The following HAGHL variants were observed in gnomAD, a reference collection of about 807,000 sequenced individuals.
HAGHL encodes the protein hydroxyacylglutathione hydrolase like.
Under a neutral mutation model 29.2 loss-of-function variants are expected in HAGHL, and 27 were observed. That is an observed-to-expected ratio of 0.92 (90% CI 0.68 to 1.27). The LOEUF (loss-of-function observed/expected upper bound fraction) is 1.27, where lower values mean the gene tolerates loss of function less well. Among genes scored for constraint, HAGHL ranks in the 50% most tolerant of loss-of-function variants. The pLI, the probability that HAGHL is intolerant of heterozygous loss-of-function variation, is 0.00. For synonymous variants in HAGHL, 223 were observed against 185.7 expected (o/e 1.20, Z -1.63); for missense variants, 529 against 405.5 (o/e 1.30, Z -2.62).
At position 729,537 on chromosome 16, in the gene HAGHL, TG is replaced by T; in HGVS notation, c.*83del. The T allele has an allele frequency of 7.2e-6, 11 of 1,534,114 alleles. No homozygotes were observed. The highest frequency in any genetic ancestry group is 8.7e-6 in the Non-Finnish European group (10 of 1,145,958). On this transcript the variant is annotated 3_prime_UTR_variant, in exon 8 of 8. Transcript: ENST00000389703. ...GCTGGACCCACATGAGGGCCACCTC[TG>T]GAACCTTCTTCGAGGCCCTGGCCAG...
chr16:729,156 C>T (rs745851837), intron 7 of HAGHL, 68 bp downstream of exon 7: 21 of 1,586,246 alleles, frequency 1.3e-5, no homozygotes, highest in East Asian at 2.2e-5. Flanking sequence ...CTGGGGACTG[C>T]GTGTTGGGCT....
rs995909727 is a variant in HAGHL at position 728,059 on chromosome 16, G to T, written c.170+30G>T. ...GCGCCGGCGGGGCGCGGGGAGGCAC[G>T]AGGACGCCGCCTTGTCCCAACCCGA... On this transcript the variant is annotated intron_variant, in intron 2 of 7. Transcript: ENST00000389703. 7 of 1,568,566 alleles carry T rather than the reference G, an allele frequency of 4.5e-6. No individual in the cohort carries two copies. The African/African-American group carries it at 8.4e-5, about 19-fold the overall frequency.
In HAGHL at chr16:728,349, C is replaced by T. The variant is rs1002884761; in HGVS notation, c.322C>T (p.Pro108Ser). Residue 108 changes from proline (P) to serine (S), a missense_variant, in exon 4 of 8, where the codon CCC becomes TCC. Coordinates refer to ENST00000389703, the MANE Select transcript of HAGHL (RefSeq NM_032304.4). The part of the protein sequence containing the change: ...GAIHVRCLLT[P>S]GHTAGHMSYF... ...CATCCACGTGCGTTGCCTCCTGACG[C>T]CCGGCCACACCGCCGGCCACATGAG... The T allele has an allele frequency of 6.4e-7, 1 of 1,573,184 alleles. No homozygotes were observed.
At chr16:728,636 C>A (rs767708390) in intron 5 of HAGHL, 32 bp downstream of exon 5, 2 of 1,349,598 alleles carry the variant, frequency 1.5e-6, no homozygotes, top group Non-Finnish European at 2.0e-6. Flanking sequence ...CCTCTTCTCC[C>A]GTGGGCACAG....
Position 727,230 on chromosome 16 carries a change from A to C in HAGHL, c.-280A>C. On this transcript the variant is annotated 5_prime_UTR_variant, in exon 1 of 8. Transcript: ENST00000389703. ...GGCCGAGGGGCGGGGCCTGGGAGGA[A>C]GGCGTGGCCTTTGGGGACTGGGGCT... 6.2e-6 allele frequency: 2 copies of C among 324,340 alleles called. No homozygotes were observed. Among genetic ancestry groups the C allele is most frequent in the Non-Finnish European group, 1.1e-5 (2 of 176,812 alleles). 20.1% of individuals were successfully genotyped at this position (324,340 alleles called of 1,614,324 possible).
At position 728,624 on chromosome 16, in the gene HAGHL, C is replaced by A; in HGVS notation, c.498+20C>A. The A allele has an allele frequency of 7.2e-7, 1 of 1,395,688 alleles. No homozygotes were observed. The highest frequency in any genetic ancestry group is 9.6e-7 in the Non-Finnish European group (1 of 1,037,770). 86.5% of individuals were successfully genotyped at this position (1,395,688 alleles called of 1,614,324 possible). ...GAGACGGTGAGCGGGCCTGGGCCCT[C>A]CCCTCTTCTCCCGTGGGCACAGCCC... On this transcript the variant is annotated intron_variant, in intron 5 of 7. Transcript: ENST00000389703.
Position 729,712 on chromosome 16 carries a change from G to A in HAGHL, c.*256G>A, listed in dbSNP as rs2041247288. On this transcript the variant is annotated 3_prime_UTR_variant, in exon 8 of 8. Coordinates refer to ENST00000389703, the MANE Select transcript of HAGHL (RefSeq NM_032304.4). ...CCGAACTATGAATAAAGCTTTGAAAGGCCGTTGTCAGTGTTGGCAGATGTG... is the reference window on the plus strand; with the variant it reads ...CCGAACTATGAATAAAGCTTTGAAAAGCCGTTGTCAGTGTTGGCAGATGTG... 5.5e-6 allele frequency: 8 copies of A among 1,462,236 alleles called. No individual in the cohort carries two copies. The highest frequency in any genetic ancestry group is 7.2e-6 in the Non-Finnish European group (8 of 1,110,660). The allele number at this position is 1,462,236 out of a possible 1,614,324, so 90.6% of individuals were successfully genotyped here. A position where few individuals can be genotyped will look rare whatever the true frequency, so the allele number is the denominator to read the frequency against.
In HAGHL at chr16:729,328, G is replaced by C. The variant is rs763400025; in HGVS notation, c.721G>C (p.Ala241Pro). The change falls in exon 8 of 8, where the codon GCC becomes CCC. Residue 241 changes from alanine to proline, a missense_variant. By Grantham distance (27) the Ala-to-Pro change is conservative. Transcript: ENST00000389703. ...CAAGTTCACGGGCAAGGCGGTCCCC[G>C]CCGACGTCCTGGAGGCGCTATGCAA... ...VRKFTGKAVP[A>P]DVLEALCKER... 3.9e-6 allele frequency: 6 copies of C among 1,533,126 alleles called. No individual in the cohort carries two copies. The Admixed American group carries it at 8.6e-5, about 22-fold the overall frequency. 95.0% of individuals were successfully genotyped at this position (1,533,126 alleles called of 1,614,324 possible).
In HAGHL at chr16:729,386, C is replaced by T. The variant is rs778813123; in HGVS notation, c.779C>T (p.Pro260Leu). ...ERARFEQAGEPRQPQARALLA... is the reference protein window; with the variant it reads ...ERARFEQAGELRQPQARALLA... ...GCGCGCTTCGAACAGGCGGGCGAGC[C>T]GCGGCAGCCACAGGCGCGGGCCCTC... Residue 260 changes from proline (P) to leucine (L), a missense_variant, in exon 8 of 8, where the codon CCG becomes CTG. Pro to Leu is a moderately conservative substitution (Grantham distance 98, BLOSUM62 -3). Transcript: ENST00000389703. 67 of 1,526,928 alleles carry T rather than the reference C, an allele frequency of 4.4e-5. No homozygotes were observed. In the Middle Eastern group the frequency reaches 1.4e-3, roughly 32 times the overall value. 94.6% of individuals were successfully genotyped at this position (1,526,928 alleles called of 1,614,324 possible). A position where few individuals can be genotyped will look rare whatever the true frequency, so the allele number is the denominator to read the frequency against.
chr16:729,506 C>T lies in HAGHL; in HGVS notation c.*50C>T, dbSNP rs762083446. ...GGGCCTGCGTCCCTCCTCGTGACCTCGGCCAGCTGGACCCACATGAGGGCC... is the reference window on the plus strand; with the variant it reads ...GGGCCTGCGTCCCTCCTCGTGACCTTGGCCAGCTGGACCCACATGAGGGCC... On this transcript the variant is annotated 3_prime_UTR_variant, in exon 8 of 8. Coordinates refer to ENST00000389703, the MANE Select transcript of HAGHL (RefSeq NM_032304.4). 11 of 1,536,044 alleles carry T rather than the reference C, an allele frequency of 7.2e-6. No homozygotes were observed. The highest frequency in any genetic ancestry group is 2.7e-5 in the African/African-American group (2 of 72,976).
In HAGHL at chr16:729,312, G is replaced by C; in HGVS notation, c.705G>C (p.Thr235=). The C allele has an allele frequency of 2.0e-6, 3 of 1,531,240 alleles. No homozygotes were observed. The highest frequency in any genetic ancestry group is 2.6e-6 in the Non-Finnish European group (3 of 1,139,626). 94.9% of individuals were successfully genotyped at this position (1,531,240 alleles called of 1,614,324 possible). ...RVAEEPVRKF[T]GKAVPADVLE... ...GAGAGGAGCCGGTGCGCAAGTTCAC[G>C]GGCAAGGCGGTCCCCGCCGACGTCC... Residue 235 remains threonine (T), a synonymous_variant, in exon 8 of 8, where the codon ACG becomes ACC. Transcript: ENST00000389703.
intron 1 of HAGHL, 151 bp from the exon 2 acceptor site, chr16:727,814 G>T: frequency 1.2e-6 from 1 of 854,790 alleles, no homozygotes; most frequent in South Asian, 1.6e-5. Flanking sequence ...GTCCCTGCAC[G>T]CGCTGGGCGC....
In HAGHL at chr16:729,089, G is replaced by T; in HGVS notation, c.680+1G>T. 1 of 1,608,472 alleles carries T rather than the reference G, an allele frequency of 6.2e-7. No individual in the cohort carries two copies. The highest frequency in any genetic ancestry group is 8.5e-7 in the Non-Finnish European group (1 of 1,179,844). ...TCTACAACCCCTTCCTGCGGGTGGC[G>T]TGAGTATGGCTGTTGTCCCGGGGCC... On this transcript the variant is annotated splice_donor_variant, in intron 7 of 7. Transcript: ENST00000389703. LOFTEE classifies it high-confidence loss of function.
rs780610762 is a variant in HAGHL at position 728,353 on chromosome 16, G to A, written c.326G>A (p.Gly109Asp). The change falls in exon 4 of 8, where the codon GGC (glycine) becomes GAC (aspartate). Residue 109 changes from glycine to aspartate, a missense_variant. By Grantham distance (94) the Gly-to-Asp change is moderately conservative. Transcript: ENST00000389703. ...AIHVRCLLTP[G>D]HTAGHMSYFL... ...CACGTGCGTTGCCTCCTGACGCCCG[G>A]CCACACCGCCGGCCACATGAGCTAC... 2.0e-5 allele frequency: 31 copies of A among 1,574,944 alleles called. No individual in the cohort carries two copies. The highest frequency in any genetic ancestry group is 2.6e-5 in the Non-Finnish European group (30 of 1,164,628).
At chr16:729,200 A>G (rs2041227404) in intron 7 of HAGHL, 88 bp from the exon 8 acceptor site, 1 of 1,560,290 alleles carries the variant, frequency 6.4e-7, no homozygotes, top group African/African-American at 1.3e-5. Context: ...GAGGCTGCTC[A>G]TTAAGTGCCT....
rs981363029 is a variant in HAGHL, at chr16:728,570, G to C, written c.464G>C (p.Ser155Thr). ...GGCAGCGCCCAGCAGATGTACCAGA[G>C]CCTGGCCGAGCTGGGTACCCTGCCC... is the stretch of plus-strand genomic sequence containing the variant. ...LEGSAQQMYQ[S>T]LAELGTLPPE... is the part of the protein sequence containing the mutation. Residue 155 changes from serine (S) to threonine (T), a missense_variant, in exon 5 of 8, where the codon AGC becomes ACC. Ser to Thr is a moderately conservative substitution (Grantham distance 58). Coordinates refer to ENST00000389703, the MANE Select transcript of HAGHL (RefSeq NM_032304.4). The C allele has an allele frequency of 3.9e-6, 6 of 1,521,968 alleles. No homozygotes were observed. The highest frequency in any genetic ancestry group is 4.4e-6 in the Non-Finnish European group (5 of 1,140,898). 94.3% of individuals were successfully genotyped at this position (1,521,968 alleles called of 1,614,324 possible). A position where few individuals can be genotyped will look rare whatever the true frequency, so the allele number is the denominator to read the frequency against.
rs1034763993 is a variant in HAGHL at position 729,683 on chromosome 16, G to T, written c.*227G>T. The T allele has an allele frequency of 2.7e-6, 4 of 1,498,890 alleles. No individual in the cohort carries two copies. Among genetic ancestry groups the T allele is most frequent in the East Asian group, 2.5e-5 (1 of 40,114 alleles). The allele number at this position is 1,498,890 out of a possible 1,614,324, so 92.8% of individuals were successfully genotyped here. A position where few individuals can be genotyped will look rare whatever the true frequency, so the allele number is the denominator to read the frequency against. On this transcript the variant is annotated 3_prime_UTR_variant, in exon 8 of 8. Transcript: ENST00000389703. The stretch of plus-strand genomic sequence containing the variant: ...GTGTCTGGGAAGTGGGGCACACGGG[G>T]CCTCCGAACTATGAATAAAGCTTTG...
rs756258563 is a variant in HAGHL, at chr16:728,081, C to T, written c.171-35C>T. The T allele has an allele frequency of 1.1e-5, 17 of 1,498,532 alleles. No homozygotes were observed. In the South Asian group the frequency reaches 2.2e-4, roughly 20 times the overall value. The allele number at this position is 1,498,532 out of a possible 1,614,324, so 92.8% of individuals were successfully genotyped here. Reference sequence around the variant, plus strand: ...CACGAGGACGCCGCCTTGTCCCAACCCGACCTAACCCGGCCCCCGCCCGCC... The same window carrying T: ...CACGAGGACGCCGCCTTGTCCCAACTCGACCTAACCCGGCCCCCGCCCGCC... On this transcript the variant is annotated intron_variant, in intron 2 of 7. Coordinates refer to ENST00000389703, the MANE Select transcript of HAGHL (RefSeq NM_032304.4).
chr16:727,676 C>T (rs2151587035), intron 1 of HAGHL, 62 bp downstream of exon 1: 1 of 1,148,530 alleles, frequency 8.7e-7, no homozygotes, highest in Non-Finnish European at 1.3e-6. Context: ...CCCCGACCCC[C>T]CTGGTAGGAG....
Sources: allele counts gnomAD v4.1 joint callset, GRCh38; gene constraint gnomAD v4.1.1; transcripts MANE v1.5; gene names NCBI Gene and HGNC (gene_info 2026-07-23, HGNC 2026-07-21).